The following CADM2 variants were observed in gnomAD, a reference collection of about 807,000 sequenced individuals.
CADM2 encodes immunoglobulin superfamily member 4D.
CADM2 carries 12 observed loss-of-function variants against 49.8 expected under a neutral mutation model. The ratio of observed to expected loss-of-function variants is 0.24; its 90% confidence interval spans 0.15 to 0.39. The LOEUF is 0.39. Ranked by LOEUF, CADM2 falls within the 10% of genes least tolerant of loss-of-function variation. The pLI is 1.00. For synonymous variants in CADM2, 214 were observed against 175.4 expected (o/e 1.22, Z -1.74); for missense variants, 378 against 492.3 (o/e 0.77, Z 2.20).
chr3:85,838,629 A>G (rs892003243), intron 3 of CADM2, among the ~76,000 whole-genome samples: 6 of 151,782 alleles, frequency 4.0e-5, no homozygotes, highest in Non-Finnish European at 8.8e-5. Flanking sequence ...GAAATTTTAA[A>G]TAGTATTTTT....
chr3:86,058,050 A>T (rs894798293), intron 8 of CADM2, among the ~76,000 whole-genome samples: 1 of 152,190 alleles, frequency 6.6e-6, no homozygotes, highest in Non-Finnish European at 1.5e-5. Flanking sequence ...ACATTGAAAA[A>T]AATTGCAATA....
intron 1 of CADM2, among the ~76,000 whole-genome samples, chr3:85,008,566 A>T (rs1335630459): frequency 2.0e-5 from 3 of 152,214 alleles, no homozygotes; most frequent in East Asian, 3.9e-4. Context: ...GAGGGAAAAA[A>T]TATAGGGAAG....
chr3:85,797,296 G>T (rs746767662), intron 2 of CADM2, among the ~76,000 whole-genome samples: 1 of 151,736 alleles, frequency 6.6e-6, no homozygotes, highest in Admixed American at 6.6e-5. Flanking sequence ...TGGCATACAC[G>T]TGCAGAACGT....
chr3:86,030,679 T>C (rs1734451586), intron 8 of CADM2, among the ~76,000 whole-genome samples: 1 of 151,922 alleles, frequency 6.6e-6, no homozygotes, highest in Non-Finnish European at 1.5e-5. Context: ...GTAAAATTGA[T>C]TATATAAGGT....
intron 3 of CADM2, among the ~76,000 whole-genome samples, chr3:85,851,669 C>A (rs532548395): frequency 1.3e-5 from 2 of 149,542 alleles, no homozygotes; most frequent in African/African-American, 4.9e-5. Context: ...ATGTTGGTGT[C>A]TCTTCAAAAT....
intron 1 of CADM2, among the ~76,000 whole-genome samples, chr3:85,084,767 G>A (rs2037307135): frequency 1.3e-5 from 2 of 151,916 alleles, no homozygotes; most frequent in South Asian, 2.1e-4. Context: ...TTCTTAGATA[G>A]CTTTGTTTCA....
Position 85,690,935 on chromosome 3 carries a change from C to T in CADM2, c.62-35587C>T, listed in dbSNP as rs570064493. ...CTTTGTGATGAGAACATTCAAAATC[C>T]TCTCTTCTAGCTATTTTGCCATATG... is the stretch of plus-strand genomic sequence containing the variant. On this transcript the variant is annotated intron_variant, in intron 1 of 9. Coordinates refer to ENST00000383699, the MANE Select transcript of CADM2 (RefSeq NM_001167675.2). 5.3e-5 allele frequency among the ~76,000 whole-genome samples: 8 copies of T among 152,210 alleles called. No individual in the cohort carries two copies. The East Asian group carries it at 1.5e-3, about 29-fold the overall frequency.
At chr3:85,223,201 G>GTT (rs545691092) in intron 1 of CADM2, among the ~76,000 whole-genome samples, 5 of 152,092 alleles carry the variant, frequency 3.3e-5, no homozygotes, top group Admixed American at 2.0e-4. Context: ...AAATCATGCA[G>GTT]TTTTTTATCA....
intron 1 of CADM2, among the ~76,000 whole-genome samples, chr3:85,054,657 G>T (rs184775888): frequency 3.6e-4 from 54 of 152,026 alleles, no homozygotes; most frequent in Admixed American, 7.2e-4. Context: ...TTGTTCCTAT[G>T]TCATGTTTGG....
intron 1 of CADM2, among the ~76,000 whole-genome samples, chr3:85,104,879 T>C (rs561094510): frequency 1.3e-5 from 2 of 152,304 alleles, no homozygotes; most frequent in East Asian, 3.9e-4. Flanking sequence ...TTGTCTGTTA[T>C]TGGTGTATAA....
intron 1 of CADM2, among the ~76,000 whole-genome samples, chr3:85,014,189 A>C (rs906491791): frequency 1.3e-5 from 2 of 148,824 alleles, no homozygotes; most frequent in African/African-American, 4.9e-5. Flanking sequence ...AATATTGTAT[A>C]TTATATATAC....
intron 1 of CADM2, among the ~76,000 whole-genome samples, chr3:85,431,346 G>A (rs1378707587): frequency 1.3e-5 from 2 of 152,108 alleles, no homozygotes; most frequent in African/African-American, 2.4e-5. Flanking sequence ...AATTTGAACT[G>A]TGCCTAATAA....
At chr3:85,768,345 C>A (rs1341869938) in intron 2 of CADM2, among the ~76,000 whole-genome samples, 2 of 151,670 alleles carry the variant, frequency 1.3e-5, no homozygotes, top group African/African-American at 4.9e-5. Flanking sequence ...ACTTGGGAGG[C>A]TGAGGCAGGA....
chr3:85,350,338 T>C (rs2031216336), intron 1 of CADM2, among the ~76,000 whole-genome samples: 1 of 152,192 alleles, frequency 6.6e-6, no homozygotes, highest in African/African-American at 2.4e-5. Flanking sequence ...AAAGCTACTT[T>C]TAAATTAACA....
intron 5 of CADM2, among the ~76,000 whole-genome samples, chr3:85,908,219 A>C (rs1321543418): frequency 6.6e-6 from 1 of 150,716 alleles, no homozygotes; most frequent in East Asian, 1.9e-4. Flanking sequence ...AATTGGATGC[A>C]AGAAAATCAA....
chr3:85,232,426 A>T (rs1012501065), intron 1 of CADM2, among the ~76,000 whole-genome samples: 2 of 152,086 alleles, frequency 1.3e-5, no homozygotes, highest in African/African-American at 4.8e-5. Flanking sequence ...GGCTAATCAG[A>T]TCTTCTTTTT....
chr3:85,159,856 TC>T (rs1233417173), intron 1 of CADM2, among the ~76,000 whole-genome samples: 4 of 152,222 alleles, frequency 2.6e-5, no homozygotes, highest in African/African-American at 9.6e-5. Context: ...AGTTCAAGTG[TC>T]ATATGAAAAT....
chr3:85,071,230 G>C (rs1455262437), intron 1 of CADM2, among the ~76,000 whole-genome samples: 1 of 151,434 alleles, frequency 6.6e-6, no homozygotes, highest in African/African-American at 2.4e-5. Context: ...GAAGACAGAA[G>C]GAAAAATAAA....
intron 8 of CADM2, among the ~76,000 whole-genome samples, chr3:85,999,264 C>CG (rs1480625880): frequency 1.5e-5 from 2 of 135,098 alleles, no homozygotes; most frequent in Non-Finnish European, 3.2e-5. Context: ...TTTGGGAGGC[C>CG]GAGGGTTGGG....
Sources: gnomAD v4.1 joint callset for allele counts (sites outside exome capture counted in the v4.1 genomes callset) on GRCh38, gnomAD v4.1.1 for gene constraint, MANE v1.5 for transcripts, NCBI Gene and HGNC (gene_info 2026-07-23, HGNC 2026-07-21) for gene names.